Variants in DPP6 observed in about 807,000 individuals in gnomAD.
DPP6 encodes the protein A-type potassium channel modulatory protein DPP6.
Under a neutral mutation model 122.6 loss-of-function variants are expected in DPP6, and 69 were observed. That is an observed-to-expected ratio of 0.56 (90% CI 0.46 to 0.69). The LOEUF (loss-of-function observed/expected upper bound fraction) is 0.69. Among genes scored for constraint, DPP6 ranks in the 30% least tolerant of loss-of-function variants. DPP6 has a pLI of 0.00. For synonymous variants in DPP6, 418 were observed against 433.1 expected (o/e 0.97, Z 0.43); for missense variants, 928 against 1,116.9 (o/e 0.83, Z 2.41).
chr7:154,019,442 C>T (rs888362780), intron 1 of DPP6, among the ~76,000 whole-genome samples: 7 of 151,184 alleles, frequency 4.6e-5, no homozygotes, highest in African/African-American at 1.7e-4. Context: ...TCCTCTCTCT[C>T]TTCCTTCCCT....
intron 1 of DPP6, among the ~76,000 whole-genome samples, chr7:154,044,386 A>G (rs1023706305): frequency 1.3e-5 from 2 of 152,168 alleles, no homozygotes; most frequent in African/African-American, 4.8e-5. Flanking sequence ...ATTGCTCCTA[A>G]TGCAATTTGT....
chr7:154,431,534 CTTTT>C lies in DPP6; in HGVS notation c.244-14666_244-14663del, dbSNP rs67861044. ...TCTTTTATTATTTCTTTCTTTCTTT[CTTTT>C]TTTTTTTTTTTTTGAGATGGAATCT... On this transcript the variant is annotated intron_variant, in intron 1 of 25. Transcript: ENST00000377770. Among the ~76,000 whole-genome samples the C allele has an allele frequency of 3.6e-3, 360 of 98,900 alleles. 30 individuals carry two copies. Among genetic ancestry groups the C allele is most frequent in the Admixed American group, 6.1e-3 (57 of 9,298 alleles). 64.9% of individuals were successfully genotyped at this position (98,900 alleles called of 152,430 possible).
Position 154,082,997 on chromosome 7 carries a change from C to T in DPP6, c.243+29934C>T, listed in dbSNP as rs186513656. ...CCAAGTAGCTGGGACTGCAGGCGCC[C>T]GCCACCATGCCCGGCTAATTTTTTG... On this transcript the variant is annotated intron_variant, in intron 1 of 25. Coordinates refer to ENST00000377770, the MANE Select transcript of DPP6 (RefSeq NM_130797.4). 6.6e-3 allele frequency among the ~76,000 whole-genome samples: 998 copies of T among 151,850 alleles called. 6 individuals carry two copies. The highest frequency in any genetic ancestry group is 0.02 in the Middle Eastern group (6 of 294).
the DPP6 span, among the ~76,000 whole-genome samples, chr7:153,759,491 T>G: frequency 6.6e-6 from 1 of 151,184 alleles, no homozygotes; most frequent in Admixed American, 6.6e-5. Context: ...CCAGCTAATT[T>G]TGTGTGTGTG....
the DPP6 span, among the ~76,000 whole-genome samples, chr7:153,752,337 C>T: frequency 5.7e-4 from 86 of 150,248 alleles, no homozygotes; most frequent in Middle Eastern, 3.4e-3. Context: ...GCATCCTCCA[C>T]CTCCCAGGTT....
chr7:154,305,084 G>T, intron 1 of DPP6: 1 of 165,348 alleles, frequency 6.0e-6, no homozygotes, highest in East Asian at 2.8e-4. Context: ...CCCAGCCCCA[G>T]CCCGGCTGAG....
At chr7:154,031,270 C>G (rs1799213622) in intron 1 of DPP6, among the ~76,000 whole-genome samples, 1 of 149,630 alleles carries the variant, frequency 6.7e-6, no homozygotes, top group South Asian at 2.1e-4. Context: ...GTTTCTGGGT[C>G]TTCCTCATGC....
intron 1 of DPP6, among the ~76,000 whole-genome samples, chr7:154,423,599 G>T: frequency 6.6e-6 from 1 of 152,120 alleles, no homozygotes; most frequent in East Asian, 1.9e-4. Flanking sequence ...ACTCAAGTTT[G>T]GTCAAAGAGA....
chr7:154,397,886 G>C (rs771043243), intron 1 of DPP6, among the ~76,000 whole-genome samples: 1 of 152,148 alleles, frequency 6.6e-6, no homozygotes, highest in Non-Finnish European at 1.5e-5. Flanking sequence ...TCCCCTTCTA[G>C]ATCTCCAAAT....
intron 1 of DPP6, among the ~76,000 whole-genome samples, chr7:154,027,222 C>T (rs1235402533): frequency 6.6e-6 from 1 of 151,198 alleles, no homozygotes; most frequent in African/African-American, 2.4e-5. Flanking sequence ...CACTTCCCAC[C>T]AGGAAATAGA....
chr7:153,907,877 C>T (rs748862753), intron 1 of DPP6, among the ~76,000 whole-genome samples: 46 of 152,188 alleles, frequency 3.0e-4, no homozygotes, highest in Admixed American at 1.7e-3. Flanking sequence ...CTCCTGGGAA[C>T]GCTGACTGAT....
chr7:154,720,437 G>T lies in DPP6; in HGVS notation c.763-7330G>T, dbSNP rs376593698. On this transcript the variant is annotated intron_variant, in intron 7 of 25. Coordinates refer to ENST00000377770, the MANE Select transcript of DPP6 (RefSeq NM_130797.4). The stretch of plus-strand genomic sequence containing the variant: ...CTGGGCCTTATGTACATCTCAGTAT[G>T]TTTGGGAGACCTGAGCATTTACCTT... Among the ~76,000 whole-genome samples the T allele has an allele frequency of 6.6e-5, 10 of 152,252 alleles. No homozygotes were observed. The East Asian group carries it at 1.3e-3, about 21-fold the overall frequency.
intron 3 of DPP6, among the ~76,000 whole-genome samples, chr7:154,479,816 C>T (rs1823096731): frequency 1.3e-5 from 2 of 152,068 alleles, no homozygotes; most frequent in Admixed American, 6.6e-5. Flanking sequence ...GACCAATCAT[C>T]CTGGGCTCCC....
chr7:154,339,800 C>T (rs1179391896), intron 1 of DPP6, among the ~76,000 whole-genome samples: 3 of 152,072 alleles, frequency 2.0e-5, no homozygotes, highest in African/African-American at 4.8e-5. Context: ...GTTGGCTGGG[C>T]GTAGTGGCTC....
intron 1 of DPP6, among the ~76,000 whole-genome samples, chr7:154,170,350 C>T (rs927861485): frequency 3.9e-5 from 6 of 152,100 alleles, no homozygotes; most frequent in African/African-American, 1.4e-4. Flanking sequence ...TCCTAACTTT[C>T]CTAAGTTTCC....
Position 154,472,936 on chromosome 7 carries a change from A to ATT in DPP6, c.359-2002_359-2001insTT, listed in dbSNP as rs1822413919. On this transcript the variant is annotated intron_variant, in intron 2 of 25. Coordinates refer to ENST00000377770, the MANE Select transcript of DPP6 (RefSeq NM_130797.4). ...AATTACAGTTTTTAAAATAAAATAC[A>ATT]TGTATAGAAAGAAAGATTTTCAGAA... Among the ~76,000 whole-genome samples, 5 of 152,234 alleles carry ATT rather than the reference A, an allele frequency of 3.3e-5. No homozygotes were observed. In the South Asian group the frequency reaches 1.0e-3, roughly 32 times the overall value.
the DPP6 span, among the ~76,000 whole-genome samples, chr7:153,814,297 A>G: frequency 6.6e-6 from 1 of 152,364 alleles, no homozygotes; most frequent in South Asian, 2.1e-4. Context: ...CCACAGAAAT[A>G]CAAACTACCA....
At chr7:154,020,111 A>AACACAC (rs57752926) in intron 1 of DPP6, among the ~76,000 whole-genome samples, 1,910 of 150,730 alleles carry the variant, frequency 0.013, 38 homozygotes, top group African/African-American at 0.043. Flanking sequence ...CACACACACA[A>AACACAC]ACACACACAC....
intron 15 of DPP6, among the ~76,000 whole-genome samples, chr7:154,805,326 G>A (rs575074801): frequency 2.0e-5 from 3 of 152,260 alleles, no homozygotes; most frequent in Admixed American, 2.0e-4. Flanking sequence ...AGGGAGCAGA[G>A]TGTGATTTGG....
Sources: gnomAD v4.1 joint callset for allele counts (sites outside exome capture counted in the v4.1 genomes callset) on GRCh38, gnomAD v4.1.1 for gene constraint, MANE v1.5 for transcripts, NCBI Gene and HGNC (gene_info 2026-07-23, HGNC 2026-07-21) for gene names.